The following RSU1 variants were observed in gnomAD, a reference collection of about 807,000 sequenced individuals.
RSU1 encodes rsu-1.
Under a neutral mutation model 31.1 loss-of-function variants are expected in RSU1, and 26 were observed. The observed-to-expected ratio is 0.84, with a 90% CI of 0.61 to 1.16. The LOEUF (loss-of-function observed/expected upper bound fraction) is 1.16. Among genes scored for constraint, RSU1 ranks in the 50% most tolerant of loss-of-function variants. RSU1 has a pLI of 0.00. For missense variants in RSU1, 320 were observed against 339.1 expected (o/e 0.94, Z 0.44); for synonymous variants, 164 against 136.3 (o/e 1.20, Z -1.41).
intron 8 of RSU1, among the ~76,000 whole-genome samples, chr10:16,669,375 C>A (rs997555086): frequency 6.7e-6 from 1 of 150,274 alleles, no homozygotes. Flanking sequence ...GTTTTTTTTC[C>A]CCCCCCAAAG....
At chr10:16,594,949 T>TA (rs1312241392) in intron 8 of RSU1, among the ~76,000 whole-genome samples, 2 of 151,876 alleles carry the variant, frequency 1.3e-5, no homozygotes, top group African/African-American at 4.8e-5. Flanking sequence ...CATGCCCAGC[T>TA]AATTTCATAT....
At chr10:16,691,281 C>T (rs1835544081) in intron 8 of RSU1, among the ~76,000 whole-genome samples, 1 of 151,152 alleles carries the variant, frequency 6.6e-6, no homozygotes, top group South Asian at 2.1e-4. Flanking sequence ...TGAGGATATA[C>T]TTAATATAAT....
At chr10:16,667,074 AGT>A (rs1835007437) in intron 8 of RSU1, among the ~76,000 whole-genome samples, 1 of 152,106 alleles carries the variant, frequency 6.6e-6, no homozygotes, top group South Asian at 2.1e-4. Context: ...GAAAAAAACA[AGT>A]TATCTGTTAA....
intron 8 of RSU1, among the ~76,000 whole-genome samples, chr10:16,612,277 G>A (rs1288326795): frequency 6.6e-6 from 1 of 152,176 alleles, no homozygotes; most frequent in African/African-American, 2.4e-5. Context: ...GAGGAAAATA[G>A]CAAATGGCAG....
chr10:16,754,518 A>T (rs1185683458), intron 5 of RSU1, among the ~76,000 whole-genome samples: 1 of 152,010 alleles, frequency 6.6e-6, no homozygotes, highest in Admixed American at 6.6e-5. Context: ...AATATCCTAC[A>T]AAGAATTAAT....
At chr10:16,673,767 C>A (rs1835167008) in intron 8 of RSU1, among the ~76,000 whole-genome samples, 1 of 152,180 alleles carries the variant, frequency 6.6e-6, no homozygotes, top group Admixed American at 6.5e-5. Flanking sequence ...TGCGTGATGA[C>A]TGAGGGACTC....
chr10:16,710,830 C>T (rs116257399), intron 7 of RSU1, among the ~76,000 whole-genome samples: 132 of 152,134 alleles, frequency 8.7e-4, no homozygotes, highest in Middle Eastern at 3.4e-3. Context: ...CCCTACCCGC[C>T]GACAGGTCCC....
intron 8 of RSU1, among the ~76,000 whole-genome samples, chr10:16,661,301 T>TGC (rs1564305475): frequency 6.7e-6 from 1 of 149,680 alleles, no homozygotes; most frequent in East Asian, 1.9e-4. Flanking sequence ...TGTGTGTGTG[T>TGC]GTGTGTGTGT....
At chr10:16,761,518 T>G (rs1837211312) in intron 4 of RSU1, among the ~76,000 whole-genome samples, 1 of 152,040 alleles carries the variant, frequency 6.6e-6, no homozygotes, top group Non-Finnish European at 1.5e-5. Context: ...GCCAAAAAAC[T>G]GACAATTCCC....
chr10:16,609,344 G>A (rs959692965), intron 8 of RSU1, among the ~76,000 whole-genome samples: 12 of 152,312 alleles, frequency 7.9e-5, no homozygotes, highest in East Asian at 1.9e-4. Flanking sequence ...AACAGGCCCC[G>A]TAGGCTGCAA....
chr10:16,608,838 C>A (rs1833847376), intron 8 of RSU1, among the ~76,000 whole-genome samples: 1 of 152,116 alleles, frequency 6.6e-6, no homozygotes, highest in Non-Finnish European at 1.5e-5. Flanking sequence ...TAATAATTTT[C>A]ATCCATTTCC....
intron 8 of RSU1, among the ~76,000 whole-genome samples, chr10:16,636,519 C>T (rs184983645): frequency 3.9e-4 from 60 of 152,302 alleles, no homozygotes; most frequent in Non-Finnish European, 3.2e-4. Context: ...ATTGCAGTTG[C>T]CTCCTGTTTT....
chr10:16,755,123 T>G (rs1437162445), intron 4 of RSU1, 134 bp from the exon 5 acceptor site: 3 of 480,326 alleles, frequency 6.2e-6, no homozygotes, highest in Non-Finnish European at 1.1e-5. Context: ...TACTTTATTT[T>G]TATTTTTTAT....
At chr10:16,738,229 G>A (rs1836674947) in intron 7 of RSU1, among the ~76,000 whole-genome samples, 1 of 152,116 alleles carries the variant, frequency 6.6e-6, no homozygotes, top group African/African-American at 2.4e-5. Context: ...GGCGGATCAT[G>A]ATGTCAGCAG....
chr10:16,663,060 G>A (rs1003565094), intron 8 of RSU1, among the ~76,000 whole-genome samples: 12 of 151,752 alleles, frequency 7.9e-5, no homozygotes, highest in African/African-American at 2.4e-4. Flanking sequence ...AAATAATGAC[G>A]TAAAGAAAAG....
intron 8 of RSU1, among the ~76,000 whole-genome samples, chr10:16,652,349 A>C (rs1238776464): frequency 7.3e-6 from 1 of 137,552 alleles, no homozygotes; most frequent in East Asian, 2.5e-4. Context: ...CAGAAGCTAC[A>C]GGAGGGGCGC....
chr10:16,658,254 C>T (rs1160868109), intron 8 of RSU1, among the ~76,000 whole-genome samples: 1 of 152,130 alleles, frequency 6.6e-6, no homozygotes, highest in Non-Finnish European at 1.5e-5. Flanking sequence ...GAGGGCTATT[C>T]CTTAAGGTTC....
At chr10:16,781,209 G>C (rs1837641722) in intron 3 of RSU1, among the ~76,000 whole-genome samples, 1 of 152,152 alleles carries the variant, frequency 6.6e-6, no homozygotes, top group South Asian at 2.1e-4. Flanking sequence ...GAATGGGAAA[G>C]GAGCGTGGGT....
At chr10:16,598,815 G>GAGC (rs141221295) in intron 8 of RSU1, among the ~76,000 whole-genome samples, 7,800 of 152,238 alleles carry the variant, frequency 0.051, 663 homozygotes, top group African/African-American at 0.18. Flanking sequence ...TAATGTGTTA[G>GAGC]AGCAATAGAG....
Sources: gnomAD v4.1 joint callset for allele counts (sites outside exome capture counted in the v4.1 genomes callset) on GRCh38, gnomAD v4.1.1 for gene constraint, MANE v1.5 for transcripts, NCBI Gene and HGNC (gene_info 2026-07-23, HGNC 2026-07-21) for gene names.